RAPH1: variants seen among roughly 807,000 people sequenced by gnomAD.
The protein encoded by RAPH1 is Ras association (RalGDS/AF-6) and pleckstrin homology domains 1, also known as ras-associated and pleckstrin homology domains-containing protein 1.
In RAPH1, 18 loss-of-function variants were observed where a neutral mutation model predicts 88.1. The ratio of observed to expected loss-of-function variants is 0.20; its 90% CI spans 0.14 to 0.30. The LOEUF is 0.30. Among genes scored for constraint, RAPH1 ranks in the 10% least tolerant of loss-of-function variants. The pLI is 1.00. For synonymous variants in RAPH1, 587 were observed against 559.0 expected (o/e 1.05, Z -0.71); for missense variants, 1,448 against 1,543.2 (o/e 0.94, Z 1.03).
Position 203,507,036 on chromosome 2 carries a change from A to G in RAPH1, c.1-11683T>C, listed in dbSNP as rs371232268. On this transcript the variant is annotated intron_variant, in intron 1 of 13. Transcript: ENST00000319170. ...CCCAGACTCCCAAGTAGCTGGGATTACAGGCGCCTGCCACCACACCCGGCT... is the reference window on the plus strand; with the variant it reads ...CCCAGACTCCCAAGTAGCTGGGATTGCAGGCGCCTGCCACCACACCCGGCT... 4.0e-5 allele frequency among the ~76,000 whole-genome samples: 6 copies of G among 149,848 alleles called. No individual in the cohort carries two copies. The East Asian group carries it at 9.8e-4, about 25-fold the overall frequency.
intron 4 of RAPH1, among the ~76,000 whole-genome samples, chr2:203,478,310 AG>A (rs1687563252): frequency 6.6e-6 from 1 of 152,134 alleles, no homozygotes; most frequent in Non-Finnish European, 1.5e-5. Context: ...CTGGGATTAC[AG>A]GCACGAGCCA....
chr2:203,456,976 C>A (rs1581272554), intron 8 of RAPH1, among the ~76,000 whole-genome samples: 2 of 152,084 alleles, frequency 1.3e-5, no homozygotes, highest in South Asian at 4.2e-4. Flanking sequence ...ACTTGGCAGC[C>A]CCTAAAAGCT....
chr2:203,513,316 C>T (rs908395263), intron 1 of RAPH1, among the ~76,000 whole-genome samples: 4 of 147,290 alleles, frequency 2.7e-5, no homozygotes, highest in Admixed American at 2.7e-4. Flanking sequence ...ACTTCACTCT[C>T]AATTTCTTCC....
At chr2:203,486,203 T>C (rs988021989) in intron 4 of RAPH1, among the ~76,000 whole-genome samples, 2 of 152,134 alleles carry the variant, frequency 1.3e-5, no homozygotes, top group Non-Finnish European at 2.9e-5. Flanking sequence ...GGAGAAAGTC[T>C]GAAGTTGAAA....
intron 7 of RAPH1, 83 bp downstream of exon 7, chr2:203,459,824 C>T (rs2153640934): frequency 7.1e-7 from 1 of 1,413,254 alleles, no homozygotes; most frequent in Non-Finnish European, 9.8e-7. Flanking sequence ...GTTTACCAGT[C>T]TTTTAACTCT....
chr2:203,524,986 T>C (rs996145435), intron 1 of RAPH1, among the ~76,000 whole-genome samples: 7 of 152,204 alleles, frequency 4.6e-5, no homozygotes, highest in African/African-American at 1.7e-4. Context: ...TGTTCTTCAA[T>C]ACAAAGTTTT....
rs997921637 is a variant in RAPH1 at position 203,438,457 on chromosome 2, C to T, written c.*980G>A. 1.7e-5 allele frequency: 5 copies of T among 286,604 alleles called. No homozygotes were observed. In the Admixed American group the frequency reaches 2.4e-4, roughly 14 times the overall value. 17.8% of individuals were successfully genotyped at this position (286,604 alleles called of 1,614,324 possible). A position where few individuals can be genotyped will look rare whatever the true frequency, so the allele number is the denominator to read the frequency against. On this transcript the variant is annotated 3_prime_UTR_variant, in exon 14 of 14. Coordinates refer to ENST00000319170, the MANE Select transcript of RAPH1 (RefSeq NM_213589.3). ...AATTGTCTACAGATATGTAATAACA[C>T]CTACCTAAAGCACATATTTTAAGAA...
rs764234199 is a variant in RAPH1, at chr2:203,448,069, T to C, written c.1523A>G (p.Gln508Arg). The change falls in exon 12 of 14, where the codon CAG (glutamine) becomes CGG (arginine). Residue 508 changes from glutamine to arginine, a missense_variant. Transcript: ENST00000319170. The surrounding 1 kb of genome is among the most constrained non-coding windows in gnomAD (Gnocchi z 4.1). Reference sequence around the variant, plus strand: ...GGCTTCTTGGTAGTTCATATAGAGCTGCTTCCCATACTAAAGAGAAGACAG... The same window carrying C: ...GGCTTCTTGGTAGTTCATATAGAGCCGCTTCCCATACTAAAGAGAAGACAG... ...NGIRIAKYGK[Q>R]LYMNYQEALK... The C allele has an allele frequency of 4.3e-6, 7 of 1,613,708 alleles. No homozygotes were observed. The highest frequency in any genetic ancestry group is 1.3e-5 in the African/African-American group (1 of 75,042).
rs775625344 is a variant in RAPH1 at position 203,440,293 on chromosome 2, G to A, written c.2897C>T (p.Pro966Leu). The A allele has an allele frequency of 5.2e-5, 84 of 1,613,680 alleles. 1 individual carries two copies. The South Asian group carries it at 8.6e-4, about 16-fold the overall frequency. ...GGTTGGGGGTGGTTTCTTTCCCCCAGGGCTGGACGTCTTACTGGTCTTTTT... is the reference window on the plus strand; with the variant it reads ...GGTTGGGGGTGGTTTCTTTCCCCCAAGGCTGGACGTCTTACTGGTCTTTTT... Reference protein sequence around the residue: ...PGKKTSKTSSPGGKKPPPTPQ... With the variant: ...PGKKTSKTSSLGGKKPPPTPQ... Residue 966 changes from proline to leucine, a missense_variant, in exon 14 of 14, where the codon CCT (proline) becomes CTT (leucine). This residue lies in a region of RAPH1 where 935 missense variants were observed against 890.1 expected (regional missense o/e 1.05). Transcript: ENST00000319170.
rs1190907875 is a variant in RAPH1 at position 203,439,673 on chromosome 2, G to C, written c.3517C>G (p.Leu1173Val). The change falls in exon 14 of 14, where the codon CTG (leucine) becomes GTG (valine). Residue 1173 changes from leucine (L) to valine (V), a missense_variant. Physicochemically the swap from Leu to Val is conservative, Grantham distance 32 (BLOSUM62 1). This residue lies in a region of RAPH1 where 935 missense variants were observed against 890.1 expected (regional missense o/e 1.05). Coordinates refer to ENST00000319170, the MANE Select transcript of RAPH1 (RefSeq NM_213589.3). ...TGCCGAGTGATGGACTTTCGTTGCA[G>C]TGTCCTGTTGAGGTCAGCCAGGAAT... is the stretch of plus-strand genomic sequence containing the variant. ...PGFLADLNRTLQRKSITRHGS... is the reference protein window; with the variant it reads ...PGFLADLNRTVQRKSITRHGS... 3 of 1,614,018 alleles carry C rather than the reference G, an allele frequency of 1.9e-6. No homozygotes were observed. The highest frequency in any genetic ancestry group is 2.5e-6 in the Non-Finnish European group (3 of 1,180,030).
At chr2:203,456,381 A>C (rs1049058504) in intron 8 of RAPH1, among the ~76,000 whole-genome samples, 1 of 152,260 alleles carries the variant, frequency 6.6e-6, no homozygotes, top group African/African-American at 2.4e-5. Flanking sequence ...TGCTAAGTGT[A>C]TGATTAAACT....
intron 6 of RAPH1, 56 bp from the exon 7 acceptor site, chr2:203,460,084 G>C: frequency 6.7e-7 from 1 of 1,485,858 alleles, no homozygotes; most frequent in Non-Finnish European, 9.2e-7. Context: ...TTGCATGAAA[G>C]ACATGAAACT....
At chr2:203,461,029 T>C (rs1387184240) in intron 6 of RAPH1, among the ~76,000 whole-genome samples, 2 of 151,952 alleles carry the variant, frequency 1.3e-5, no homozygotes, top group Non-Finnish European at 2.9e-5. Flanking sequence ...GGCAGGATAA[T>C]TGCTTGAACC....
chr2:203,486,117 G>T (rs1209228028), intron 4 of RAPH1, among the ~76,000 whole-genome samples: 1 of 148,290 alleles, frequency 6.7e-6, no homozygotes, highest in African/African-American at 2.5e-5. Context: ...AGAAAGAAAA[G>T]AAATAAATAG....
chr2:203,526,396 T>C (rs1022923849), intron 1 of RAPH1, among the ~76,000 whole-genome samples: 2 of 152,198 alleles, frequency 1.3e-5, no homozygotes, highest in African/African-American at 2.4e-5. Flanking sequence ...CCAGAATGTC[T>C]TGTCCCAAGT....
intron 2 of RAPH1, 84 bp from the exon 3 acceptor site, chr2:203,491,403 T>C: frequency 1.2e-6 from 1 of 843,556 alleles, no homozygotes; most frequent in Non-Finnish European, 1.9e-6. Flanking sequence ...TATGATTAAG[T>C]GAACTGCCAC....
chr2:203,514,359 T>C (rs1431996942), intron 1 of RAPH1, among the ~76,000 whole-genome samples: 1 of 150,716 alleles, frequency 6.6e-6, no homozygotes, highest in African/African-American at 2.4e-5. Flanking sequence ...TAGGGTTTTT[T>C]TGTTTTTGTT....
intron 1 of RAPH1, among the ~76,000 whole-genome samples, chr2:203,524,776 G>T (rs1690040108): frequency 6.6e-6 from 1 of 152,148 alleles, no homozygotes; most frequent in Admixed American, 6.6e-5. Context: ...GAAATGTTCA[G>T]TTTTGATTAC....
intron 4 of RAPH1, among the ~76,000 whole-genome samples, chr2:203,470,613 T>C (rs1037599167): frequency 6.6e-6 from 1 of 152,246 alleles, no homozygotes; most frequent in African/African-American, 2.4e-5. Flanking sequence ...GTCTGCCTTC[T>C]AGGCCAATGC....
Sources: gnomAD v4.1 joint callset for allele counts (sites outside exome capture counted in the v4.1 genomes callset) on GRCh38, gnomAD v4.1.1 for gene constraint, gnomAD v4.1.1 regional missense constraint, Gnocchi (gnomAD v3.1) non-coding constraint, MANE v1.5 for transcripts, NCBI Gene and HGNC (gene_info 2026-07-23, HGNC 2026-07-21) for gene names.